Variants in MAN1A1 observed in about 807,000 individuals in gnomAD.
The protein encoded by MAN1A1 is mannosidase alpha class 1A member 1.
A neutral mutation model predicts 70.8 loss-of-function variants in MAN1A1; 29 were observed. The ratio of observed to expected loss-of-function variants is 0.41; its 90% CI spans 0.31 to 0.56. The LOEUF is 0.56. MAN1A1 is among the 20% of genes least tolerant of loss of function. The pLI, the probability that MAN1A1 is intolerant of heterozygous loss-of-function variation, is 0.29. For missense variants in MAN1A1, 747 were observed against 841.3 expected, an observed-to-expected ratio of 0.89 and a Z score of 1.39; for synonymous variants, 349 against 330.1, an observed-to-expected ratio of 1.06 and a Z score of -0.62.
chr6:119,244,736 C>T (rs931403928), intron 6 of MAN1A1, among the ~76,000 whole-genome samples: 1 of 152,114 alleles, frequency 6.6e-6, no homozygotes, highest in Admixed American at 6.6e-5. Context: ...CTGGTGAGTA[C>T]TTATTATCTC....
At position 119,348,908 on chromosome 6, in the gene MAN1A1, GTGA is replaced by G; in HGVS notation, c.155_157del (p.Ile52del). 1 of 1,535,528 alleles carries G rather than the reference GTGA, an allele frequency of 6.5e-7. No homozygotes were observed. The highest frequency in any genetic ancestry group is 8.8e-7 in the Non-Finnish European group (1 of 1,141,900). On this transcript the variant is annotated inframe_deletion, in exon 2 of 13. Coordinates refer to ENST00000368468, the MANE Select transcript of MAN1A1 (RefSeq NM_005907.4). The stretch of plus-strand genomic sequence containing the variant: ...GAAGAAGATCGCCCCGAAGCAGAGC[GTGA>G]TGAAGGCGCTGAATACCAGCAGCAG...
At position 119,303,776 on chromosome 6, in the gene MAN1A1, C is replaced by T. The variant is rs1184103884; in HGVS notation, c.701-1673G>A. Among the ~76,000 whole-genome samples the T allele has an allele frequency of 2.0e-5, 3 of 152,140 alleles. No homozygotes were observed. In the East Asian group the frequency reaches 5.8e-4, roughly 29 times the overall value. On this transcript the variant is annotated intron_variant, in intron 3 of 12. Transcript: ENST00000368468. ...GTAGACTACAGCTAGATACAGCCACCAGAACAAGACATGCAGATCTTATAC... is the reference window on the plus strand; with the variant it reads ...GTAGACTACAGCTAGATACAGCCACTAGAACAAGACATGCAGATCTTATAC...
chr6:119,250,884 A>T (rs1562210951), intron 5 of MAN1A1, among the ~76,000 whole-genome samples: 1 of 152,220 alleles, frequency 6.6e-6, no homozygotes, highest in Non-Finnish European at 1.5e-5. Context: ...AACATGTCCA[A>T]CATGGAATTA....
At chr6:119,183,122 G>A (rs745773460) in intron 11 of MAN1A1, among the ~76,000 whole-genome samples, 5 of 152,206 alleles carry the variant, frequency 3.3e-5, no homozygotes, top group Non-Finnish European at 7.3e-5. Context: ...TGAGGTTATT[G>A]ATTTTTCACA....
intron 5 of MAN1A1, among the ~76,000 whole-genome samples, chr6:119,276,927 A>AAATG (rs2114389609): frequency 6.6e-6 from 1 of 152,352 alleles, no homozygotes; most frequent in South Asian, 2.1e-4. Flanking sequence ...AATGAAAAAC[A>AAATG]AAAGTGTTTA....
At chr6:119,224,956 G>A (rs1011851233) in intron 6 of MAN1A1, among the ~76,000 whole-genome samples, 1 of 151,900 alleles carries the variant, frequency 6.6e-6, no homozygotes, top group African/African-American at 2.4e-5. Flanking sequence ...GTGAAATCCC[G>A]TCTCTACTAA....
intron 4 of MAN1A1, among the ~76,000 whole-genome samples, chr6:119,293,729 A>G (rs778927062): frequency 4.6e-5 from 7 of 152,022 alleles, no homozygotes; most frequent in Admixed American, 1.3e-4. Context: ...TGAAATTTAG[A>G]CCCTTTAGTT....
intron 4 of MAN1A1, among the ~76,000 whole-genome samples, chr6:119,299,446 G>A (rs1772322145): frequency 6.6e-6 from 1 of 151,814 alleles, no homozygotes; most frequent in African/African-American, 2.4e-5. Context: ...TTTGAAATAT[G>A]TATATTTAAT....
intron 5 of MAN1A1, among the ~76,000 whole-genome samples, chr6:119,290,152 T>C (rs181538088): frequency 6.6e-6 from 1 of 152,116 alleles, no homozygotes; most frequent in Admixed American, 6.6e-5. Context: ...CAGTGGATAA[T>C]TAATGAAGCC....
intron 7 of MAN1A1, among the ~76,000 whole-genome samples, chr6:119,204,266 C>A (rs555765173): frequency 1.3e-5 from 2 of 152,088 alleles, no homozygotes; most frequent in East Asian, 3.9e-4. Context: ...ACAACAGGGA[C>A]GACTCTTTCA....
chr6:119,182,924 G>A (rs1773189357), intron 11 of MAN1A1, among the ~76,000 whole-genome samples: 1 of 151,894 alleles, frequency 6.6e-6, no homozygotes, highest in African/African-American at 2.4e-5. Context: ...CCAAGAAGAT[G>A]GAAAGCATAG....
chr6:119,344,432 A>C (rs1217183755), intron 2 of MAN1A1, among the ~76,000 whole-genome samples: 1 of 152,256 alleles, frequency 6.6e-6, no homozygotes, highest in Non-Finnish European at 1.5e-5. Flanking sequence ...TAAGGAGAGA[A>C]AAACCTTCAC....
rs147621372 is a variant in MAN1A1, at chr6:119,332,788, G to A, written c.603+15675C>T. On this transcript the variant is annotated intron_variant, in intron 2 of 12. Coordinates refer to ENST00000368468, the MANE Select transcript of MAN1A1 (RefSeq NM_005907.4). ...CGACAAGAGCAAAACTCCATCTCAA[G>A]AAAAAAAAAAAAAAGCCAATTGAGG... 1.5e-3 allele frequency among the ~76,000 whole-genome samples: 215 copies of A among 145,272 alleles called. 2 individuals are homozygous for A. Among genetic ancestry groups the A allele is most frequent in the Non-Finnish European group, 1.4e-3 (95 of 66,436 alleles).
chr6:119,280,801 T>A (rs1008677467), intron 5 of MAN1A1, among the ~76,000 whole-genome samples: 11 of 152,380 alleles, frequency 7.2e-5, no homozygotes, highest in African/African-American at 2.6e-4. Flanking sequence ...ACAGTCATTA[T>A]GAATTATAAA....
In MAN1A1 at chr6:119,227,402, G is replaced by T. The variant is rs577251802; in HGVS notation, c.992+20858C>A. Among the ~76,000 whole-genome samples, 10 of 152,302 alleles carry T rather than the reference G, an allele frequency of 6.6e-5. No individual in the cohort carries two copies. In the East Asian group the frequency reaches 1.9e-3, roughly 29 times the overall value. On this transcript the variant is annotated intron_variant, in intron 6 of 12. Coordinates refer to ENST00000368468, the MANE Select transcript of MAN1A1 (RefSeq NM_005907.4). Reference sequence around the variant, plus strand: ...ACACTGAAATTTATACTTAAAATGGGTGTATTCTTCAGGTAAATTATGCCT... The same window carrying T: ...ACACTGAAATTTATACTTAAAATGGTTGTATTCTTCAGGTAAATTATGCCT...
At chr6:119,267,540 C>T (rs1775791652) in intron 5 of MAN1A1, among the ~76,000 whole-genome samples, 1 of 152,152 alleles carries the variant, frequency 6.6e-6, no homozygotes, top group Non-Finnish European at 1.5e-5. Flanking sequence ...AAGACACACA[C>T]AGATATGAAC....
At position 119,221,342 on chromosome 6, in the gene MAN1A1, G is replaced by A. The variant is rs78588350; in HGVS notation, c.993-16460C>T. On this transcript the variant is annotated intron_variant, in intron 6 of 12. Coordinates refer to ENST00000368468, the MANE Select transcript of MAN1A1 (RefSeq NM_005907.4). The stretch of plus-strand genomic sequence containing the variant: ...ACCACTGTTACTTGTTTCTTCAATC[G>A]CATTTTAAAGATAATTTTTGCATAT... Among the ~76,000 whole-genome samples, 112 of 151,790 alleles carry A rather than the reference G, an allele frequency of 7.4e-4. No homozygotes were observed. In the East Asian group the frequency reaches 0.02, roughly 27 times the overall value.
chr6:119,183,588 G>A (rs535441197), intron 11 of MAN1A1, among the ~76,000 whole-genome samples: 1 of 152,186 alleles, frequency 6.6e-6, no homozygotes, highest in Non-Finnish European at 1.5e-5. Flanking sequence ...TTCCCTTGAG[G>A]TTTTTTGGTA....
At chr6:119,301,748 T>C (rs1343184913) in intron 4 of MAN1A1, among the ~76,000 whole-genome samples, 1 of 152,242 alleles carries the variant, frequency 6.6e-6, no homozygotes. Flanking sequence ...ACTAGGCACA[T>C]GTAGGTCTCA....
Sources: allele counts gnomAD v4.1 joint callset (sites outside exome capture counted in the v4.1 genomes callset), GRCh38; gene constraint gnomAD v4.1.1; transcripts MANE v1.5; gene names NCBI Gene and HGNC (gene_info 2026-07-23, HGNC 2026-07-21).